The following PPARGC1A variants were observed in gnomAD, a reference collection of about 807,000 sequenced individuals.
PPARGC1A encodes the protein PPARG coactivator 1 alpha.
PPARGC1A carries 25 observed loss-of-function variants against 88.7 expected under a neutral mutation model. That is an observed-to-expected ratio of 0.28 (90% CI 0.21 to 0.39). The LOEUF (loss-of-function observed/expected upper bound fraction) is 0.39, where lower values mean the gene tolerates loss of function less well. PPARGC1A is among the 10% of genes least tolerant of loss of function. PPARGC1A has a pLI of 1.00. For synonymous variants in PPARGC1A, 363 were observed against 355.6 expected (o/e 1.02, Z -0.24); for missense variants, 880 against 968.7 (o/e 0.91, Z 1.22).
At chr4:24,102,508 C>T in the PPARGC1A span, among the ~76,000 whole-genome samples, 1 of 152,168 alleles carries the variant, frequency 6.6e-6, no homozygotes, top group Non-Finnish European at 1.5e-5. Flanking sequence ...TCCAGGGTCC[C>T]CTTTGGAGGT....
chr4:24,455,484 A>T, the PPARGC1A span, among the ~76,000 whole-genome samples: 1 of 152,250 alleles, frequency 6.6e-6, no homozygotes, highest in Admixed American at 6.5e-5. Context: ...AGTCTCTGAA[A>T]AAAATTAAAA....
the PPARGC1A span, among the ~76,000 whole-genome samples, chr4:24,153,208 G>A: frequency 6.6e-6 from 1 of 152,092 alleles, no homozygotes; most frequent in Non-Finnish European, 1.5e-5. Context: ...ACATGAAAGA[G>A]GACGAGGAAT....
the PPARGC1A span, among the ~76,000 whole-genome samples, chr4:24,002,591 A>G: frequency 2.7e-5 from 4 of 148,290 alleles, no homozygotes; most frequent in East Asian, 8.2e-4. Flanking sequence ...ATGGTTCTCA[A>G]AAGTGCATGC....
the PPARGC1A span, among the ~76,000 whole-genome samples, chr4:24,312,388 T>G: frequency 1.2e-5 from 1 of 84,394 alleles, no homozygotes; most frequent in Non-Finnish European, 2.3e-5. Flanking sequence ...GGATATTTTT[T>G]CCTATTTTTT....
the PPARGC1A span, among the ~76,000 whole-genome samples, chr4:24,463,640 G>A: frequency 6.6e-6 from 1 of 152,202 alleles, no homozygotes; most frequent in Non-Finnish European, 1.5e-5. Context: ...TCCACTACAG[G>A]CTGGGCAGGA....
At chr4:23,953,839 T>C in the PPARGC1A span, among the ~76,000 whole-genome samples, 2 of 152,038 alleles carry the variant, frequency 1.3e-5, no homozygotes, top group African/African-American at 4.8e-5. Flanking sequence ...CAAGGCTACA[T>C]TGTCACATGT....
chr4:23,943,256 T>A, the PPARGC1A span, among the ~76,000 whole-genome samples: 1 of 152,212 alleles, frequency 6.6e-6, no homozygotes, highest in South Asian at 2.1e-4. Context: ...ATTCTCTGCT[T>A]ATTGAATCTT....
intron 7 of PPARGC1A, among the ~76,000 whole-genome samples, chr4:23,818,829 C>T (rs1396340431): frequency 7.1e-6 from 1 of 141,096 alleles, no homozygotes; most frequent in Non-Finnish European, 1.5e-5. Context: ...GTGCTATTCA[C>T]CAATGGCATC....
At chr4:24,071,532 T>C in the PPARGC1A span, among the ~76,000 whole-genome samples, 3 of 152,086 alleles carry the variant, frequency 2.0e-5, no homozygotes, top group Non-Finnish European at 2.9e-5. Context: ...ATTTTATAAG[T>C]ACATTATAAT....
chr4:24,330,827 G>A, the PPARGC1A span, among the ~76,000 whole-genome samples: 1 of 152,084 alleles, frequency 6.6e-6, no homozygotes. Context: ...CATCCATGCA[G>A]CCACACCACT....
chr4:23,932,885 A>C, the PPARGC1A span, among the ~76,000 whole-genome samples: 1 of 152,182 alleles, frequency 6.6e-6, no homozygotes, highest in Non-Finnish European at 1.5e-5. Flanking sequence ...GGCCACCAAC[A>C]CATGGGGTCC....
chr4:24,187,037 G>C, the PPARGC1A span, among the ~76,000 whole-genome samples: 2 of 152,092 alleles, frequency 1.3e-5, no homozygotes, highest in Non-Finnish European at 2.9e-5. Flanking sequence ...TGCAATTTCT[G>C]TTGCTTCTTT....
the PPARGC1A span, among the ~76,000 whole-genome samples, chr4:24,123,785 T>C: frequency 6.6e-6 from 1 of 152,112 alleles, no homozygotes; most frequent in Non-Finnish European, 1.5e-5. Flanking sequence ...CTTTTCCATT[T>C]GCTGGAGTAG....
At chr4:23,872,285 C>T (rs1432723271) in intron 2 of PPARGC1A, among the ~76,000 whole-genome samples, 2 of 152,196 alleles carry the variant, frequency 1.3e-5, no homozygotes, top group Admixed American at 1.3e-4. Flanking sequence ...GACGGTCTTG[C>T]TCTCTTCCCT....
chr4:23,896,146 G>T (rs1718575178), intron 1 of PPARGC1A, among the ~76,000 whole-genome samples: 1 of 151,946 alleles, frequency 6.6e-6, no homozygotes, highest in Admixed American at 6.6e-5. Context: ...TATATCCTCA[G>T]AAAGAAGAAG....
the PPARGC1A span, among the ~76,000 whole-genome samples, chr4:24,351,231 TAAA>T: frequency 0.01 from 1,501 of 146,720 alleles, 28 homozygotes; most frequent in African/African-American, 0.035. Flanking sequence ...CCCTTGTATT[TAAA>T]AAAAAAAAAA....
chr4:24,264,349 G>C, the PPARGC1A span, among the ~76,000 whole-genome samples: 8 of 152,184 alleles, frequency 5.3e-5, no homozygotes, highest in African/African-American at 1.9e-4. Context: ...TCCACCAAGA[G>C]AGGTCTGTGA....
rs527643200 is a variant in PPARGC1A, at chr4:23,802,351, G to A, written c.2020-6C>T. ...TAAATCACACGGCGCTCTTCCTATG[G>A]GGGGAAGGAAGGAGAGAGTTCTGGA... is the stretch of plus-strand genomic sequence containing the variant. On this transcript the variant is annotated splice_region_variant and splice_polypyrimidine_tract_variant and intron_variant, in intron 10 of 12. Coordinates refer to ENST00000264867, the MANE Select transcript of PPARGC1A (RefSeq NM_013261.5). 3 of 1,613,932 alleles carry A rather than the reference G, an allele frequency of 1.9e-6. No homozygotes were observed. Among genetic ancestry groups the A allele is most frequent in the African/African-American group, 1.3e-5 (1 of 75,022 alleles).
the PPARGC1A span, among the ~76,000 whole-genome samples, chr4:24,359,893 T>C: frequency 1.3e-5 from 2 of 152,230 alleles, no homozygotes; most frequent in African/African-American, 2.4e-5. Context: ...AATACATTTC[T>C]GTGGTTTTAA....
Sources: gnomAD v4.1 joint callset for allele counts (sites outside exome capture counted in the v4.1 genomes callset) on GRCh38, gnomAD v4.1.1 for gene constraint, MANE v1.5 for transcripts, NCBI Gene and HGNC (gene_info 2026-07-23, HGNC 2026-07-21) for gene names.